SH3GLB2: variants seen among roughly 807,000 people sequenced by gnomAD.
The protein encoded by SH3GLB2 is SH3 domain containing GRB2 like, endophilin B2, also known as endophilin-B2.
In SH3GLB2, 24 loss-of-function variants were observed where a neutral mutation model predicts 48.0. That is an observed-to-expected ratio of 0.50 (90% CI 0.36 to 0.70). The LOEUF is 0.70. Among genes scored for constraint, SH3GLB2 ranks in the 30% least tolerant of loss-of-function variants. SH3GLB2 has a pLI of 0.00. For missense variants in SH3GLB2, 425 were observed against 516.0 expected (o/e 0.82, Z 1.71); for synonymous variants, 227 against 207.6 (o/e 1.09, Z -0.80).
At chr9:129,026,275 A>G (rs1222194141) in intron 1 of SH3GLB2, among the ~76,000 whole-genome samples, 2 of 152,152 alleles carry the variant, frequency 1.3e-5, no homozygotes, top group Non-Finnish European at 2.9e-5. Flanking sequence ...TCCTGAGCCC[A>G]TCACATGTAT....
Position 129,014,414 on chromosome 9 carries a change from G to C in SH3GLB2, c.558C>G (p.Ala186=), listed in dbSNP as rs201244532. The C allele has an allele frequency of 6.5e-6, 10 of 1,549,922 alleles. No individual in the cohort carries two copies. The East Asian group carries it at 2.2e-4, about 34-fold the overall frequency. Residue 186 remains alanine (A), a synonymous_variant, in exon 5 of 11, where the codon GCC becomes GCG. Transcript: ENST00000372564. This position sits in a 1 kb window ranked among gnomAD's most constrained non-coding sequence, Gnocchi z 4.1. ...AGCGGGGAGCGGGGACACCTACCGT[G>C]GCTTTGGCTTCTGCAGCCTTGGCCT... ...LKKAKAAEAK[A]TTVPDFQETR... is the part of the protein sequence containing the mutation.
At chr9:129,010,002 C>T (rs749226396) in intron 8 of SH3GLB2, 118 bp downstream of exon 8, 7 of 1,370,526 alleles carry the variant, frequency 5.1e-6, no homozygotes, top group Non-Finnish European at 7.2e-6. Context: ...CCCACACCCT[C>T]CCCGGTGGGA....
Position 129,009,173 on chromosome 9 carries a change from C to G in SH3GLB2, c.1013G>C (p.Arg338Pro), listed in dbSNP as rs1193504043. 6.2e-7 allele frequency: 1 copy of G among 1,611,836 alleles called. No homozygotes were observed. Among genetic ancestry groups the G allele is most frequent in the Non-Finnish European group, 8.5e-7 (1 of 1,179,624 alleles). Reference sequence around the variant, plus strand: ...GTAGTCATAGAGCACCCGAGCTTTGCGGGTCCCACTGGCAGGGGGGGCCAC... The same window carrying G: ...GTAGTCATAGAGCACCCGAGCTTTGGGGGTCCCACTGGCAGGGGGGGCCAC... ...EEVAPPASGT[R>P]KARVLYDYEA... Residue 338 changes from arginine (R) to proline (P), a missense_variant, in exon 10 of 11, where the codon CGC becomes CCC. Arg to Pro is a moderately radical substitution (Grantham distance 103). Transcript: ENST00000372564.
chr9:129,025,989 C>T lies in SH3GLB2; in HGVS notation c.63+2103G>A, dbSNP rs75673713. Among the ~76,000 whole-genome samples the T allele has an allele frequency of 5.1e-3, 781 of 152,290 alleles. 4 individuals carry two copies. The highest frequency in any genetic ancestry group is 0.017 in the African/African-American group (689 of 41,546). On this transcript the variant is annotated intron_variant, in intron 1 of 10. Coordinates refer to ENST00000372564, the MANE Select transcript of SH3GLB2 (RefSeq NM_020145.4). ...TTAGTACTATCACTCCTCCTGCCCT[C>T]TCCCACCCCCACTGGCATCTTGTCC... is the stretch of plus-strand genomic sequence containing the variant.
intron 1 of SH3GLB2, 135 bp downstream of exon 1, chr9:129,027,957 G>A (rs955043932): frequency 5.0e-6 from 4 of 796,688 alleles, no homozygotes; most frequent in Admixed American, 4.2e-5. Flanking sequence ...GCTCAGGGGG[G>A]CAGAGGTGTG....
At chr9:129,012,843 C>T in intron 5 of SH3GLB2, 1 of 793,904 alleles carries the variant, frequency 1.3e-6, no homozygotes, top group Non-Finnish European at 2.0e-6. Context: ...GCCCCAACGC[C>T]TGGCATCCCC....
chr9:129,010,844 A>C, intron 6 of SH3GLB2, 151 bp from the exon 7 acceptor site: 1 of 943,858 alleles, frequency 1.1e-6, no homozygotes, highest in Non-Finnish European at 1.6e-6. Context: ...GACTGGGCCG[A>C]GGCCCGGCAT....
At chr9:129,012,499 A>T (rs1175717274) in intron 5 of SH3GLB2, 3 of 417,948 alleles carry the variant, frequency 7.2e-6, no homozygotes, top group Non-Finnish European at 1.3e-5. Flanking sequence ...TGGAGAGTCC[A>T]GACAAAGATC....
Position 129,014,318 on chromosome 9 carries a change from G to C in SH3GLB2, c.561+93C>G. On this transcript the variant is annotated intron_variant, in intron 5 of 10. Transcript: ENST00000372564. The surrounding 1 kb of genome is among the most constrained non-coding windows in gnomAD (Gnocchi z 4.1). ...TCTCCAGCCAGGGAGAGGGGAGAGAGGTCATGCCAAATACCAGGTCCCTTC... is the reference window on the plus strand; with the variant it reads ...TCTCCAGCCAGGGAGAGGGGAGAGACGTCATGCCAAATACCAGGTCCCTTC... The C allele has an allele frequency of 1.7e-6, 2 of 1,172,106 alleles. No individual in the cohort carries two copies. The highest frequency in any genetic ancestry group is 2.7e-5 in the South Asian group (2 of 74,488). The allele number at this position is 1,172,106 out of a possible 1,614,324, so 72.6% of individuals were successfully genotyped here. A position where few individuals can be genotyped will look rare whatever the true frequency, so the allele number is the denominator to read the frequency against.
At position 129,008,775 on chromosome 9, in the gene SH3GLB2, C is replaced by G. The variant is rs1280618536; in HGVS notation, c.1097G>C (p.Ser366Thr). ...LLADELITVY[S>T]LPGMDPDWLI... ...CCAGTCAGGGTCCATGCCAGGCAGG[C>G]TGTAGACAGTGATGAGCTGCAGAGA... Residue 366 changes from serine (S) to threonine (T), a missense_variant, in exon 11 of 11, where the codon AGC becomes ACC. Transcript: ENST00000372564. The G allele has an allele frequency of 2.3e-5, 37 of 1,613,914 alleles. No homozygotes were observed. The highest frequency in any genetic ancestry group is 3.1e-5 in the Non-Finnish European group (37 of 1,179,968).
intron 2 of SH3GLB2, among the ~76,000 whole-genome samples, chr9:129,021,558 C>T (rs1327076188): frequency 1.3e-5 from 2 of 152,064 alleles, no homozygotes; most frequent in South Asian, 2.1e-4. Context: ...CGGAGCCACC[C>T]TCCTTTCCCC....
At position 129,022,198 on chromosome 9, in the gene SH3GLB2, C is replaced by G. The variant is rs1274200400; in HGVS notation, c.205+84G>C. On this transcript the variant is annotated intron_variant, in intron 2 of 10. Transcript: ENST00000372564. ...AAACCCCGGCTGCAGCCCCGCCCCA[C>G]CTATGCCACAACAGGGCCAGGCCTC... is the stretch of plus-strand genomic sequence containing the variant. 2.2e-5 allele frequency: 34 copies of G among 1,556,400 alleles called. No individual in the cohort carries two copies. In the South Asian group the frequency reaches 3.9e-4, roughly 18 times the overall value.
At chr9:129,010,554 C>T in intron 7 of SH3GLB2, 116 bp downstream of exon 7, 1 of 1,223,516 alleles carries the variant, frequency 8.2e-7, no homozygotes, top group Non-Finnish European at 1.2e-6. Context: ...AAGCAGTAAC[C>T]CCTCCCCAGT....
intron 3 of SH3GLB2, among the ~76,000 whole-genome samples, chr9:129,019,376 A>C (rs1400513905): frequency 6.6e-6 from 1 of 151,884 alleles, no homozygotes; most frequent in Non-Finnish European, 1.5e-5. Flanking sequence ...GGACAGAGCC[A>C]GACCCTGTCT....
At chr9:129,022,471 G>A (rs1382343246) in intron 1 of SH3GLB2, 48 bp from the exon 2 acceptor site, 3 of 1,522,372 alleles carry the variant, frequency 2.0e-6, no homozygotes, top group Non-Finnish European at 2.7e-6. Context: ...GAGCTCAGAA[G>A]GAGGTGGGGG....
At chr9:129,019,582 T>G (rs1843652209) in intron 3 of SH3GLB2, among the ~76,000 whole-genome samples, 1 of 149,694 alleles carries the variant, frequency 6.7e-6, no homozygotes, top group Non-Finnish European at 1.5e-5. Context: ...GGTGGGCGTG[T>G]GCAATCCTAG....
At chr9:129,024,763 G>A (rs1345382225) in intron 1 of SH3GLB2, among the ~76,000 whole-genome samples, 1 of 150,888 alleles carries the variant, frequency 6.6e-6, no homozygotes, top group Non-Finnish European at 1.5e-5. Context: ...GAGGTCAGGA[G>A]ATCAAGACCA....
intron 3 of SH3GLB2, chr9:129,015,786 AC>A: frequency 3.4e-6 from 1 of 290,982 alleles, no homozygotes; most frequent in South Asian, 2.8e-5. Context: ...GATCATTTGA[AC>A]CCAGGAGTTT....
In SH3GLB2 at chr9:129,007,550, G is replaced by C. The variant is rs1842840371; in HGVS notation, c.*1134C>G. 1 of 152,210 alleles carries C rather than the reference G, an allele frequency of 6.6e-6. No homozygotes were observed. Among genetic ancestry groups the C allele is most frequent in the Non-Finnish European group, 1.5e-5 (1 of 68,074 alleles). 9.4% of individuals were successfully genotyped at this position (152,210 alleles called of 1,614,324 possible). A position where few individuals can be genotyped will look rare whatever the true frequency, so the allele number is the denominator to read the frequency against. On this transcript the variant is annotated 3_prime_UTR_variant, in exon 11 of 11. Coordinates refer to ENST00000372564, the MANE Select transcript of SH3GLB2 (RefSeq NM_020145.4). ...ACACAGACATCACTTAGGGTTTCTA[G>C]AATCAGGCTGCCTGGGCTTCAGTCC...
Sources: allele counts gnomAD v4.1 joint callset (sites outside exome capture counted in the v4.1 genomes callset), GRCh38; gene constraint gnomAD v4.1.1; non-coding constraint Gnocchi (gnomAD v3.1); transcripts MANE v1.5; gene names NCBI Gene and HGNC (gene_info 2026-07-23, HGNC 2026-07-21).